Variants in SLC2A1 observed in about 807,000 individuals in gnomAD.
SLC2A1 encodes the protein solute carrier family 2 member 1.
In SLC2A1, 4 loss-of-function variants were observed where a neutral mutation model predicts 46.6. The ratio of observed to expected loss-of-function variants is 0.09; its 90% CI spans 0.04 to 0.20. SLC2A1 has a LOEUF of 0.20. Ranked by LOEUF, SLC2A1 falls within the 10% of genes least tolerant of loss-of-function variation. The probability of loss-of-function intolerance (pLI) is 1.00; values close to 1 mark genes in which losing one functional copy is unlikely to be tolerated. For missense variants in SLC2A1, 352 were observed against 667.0 expected (o/e 0.53, Z 5.20); for synonymous variants, 253 against 270.0 (o/e 0.94, Z 0.62).
At chr1:42,948,962 G>A (rs1643691239) in intron 1 of SLC2A1, among the ~76,000 whole-genome samples, 1 of 152,224 alleles carries the variant, frequency 6.6e-6, no homozygotes. Flanking sequence ...CAGCTACTCG[G>A]GAGGCTGAGG....
intron 2 of SLC2A1, among the ~76,000 whole-genome samples, chr1:42,936,753 A>T (rs1191807584): frequency 6.6e-6 from 1 of 152,070 alleles, no homozygotes; most frequent in Non-Finnish European, 1.5e-5. Context: ...CTCTACCCCA[A>T]CTATGACTCA....
chr1:42,939,350 G>A (rs1222218613), intron 2 of SLC2A1, among the ~76,000 whole-genome samples: 1 of 152,178 alleles, frequency 6.6e-6, no homozygotes, highest in Non-Finnish European at 1.5e-5. Flanking sequence ...CAAGTGTCTG[G>A]GTGCTTGCCC....
chr1:42,946,234 G>A (rs559496426), intron 1 of SLC2A1, among the ~76,000 whole-genome samples: 7 of 152,282 alleles, frequency 4.6e-5, no homozygotes, highest in South Asian at 2.1e-4. Context: ...TCAGCAGGTC[G>A]AGGTCAAACT....
chr1:42,938,820 C>T (rs1219119338), intron 2 of SLC2A1, among the ~76,000 whole-genome samples: 4 of 152,224 alleles, frequency 2.6e-5, no homozygotes, highest in Non-Finnish European at 5.9e-5. Context: ...CCAAGTCCTT[C>T]GTGAAGCCCT....
chr1:42,951,915 T>G, intron 1 of SLC2A1: 2 of 405,796 alleles, frequency 4.9e-6, no homozygotes, highest in Non-Finnish European at 8.7e-6. Context: ...ACAGGTCCAA[T>G]CTTCCATAAA....
chr1:42,942,972 G>C lies in SLC2A1; in HGVS notation c.114+254C>G, dbSNP rs1282902285. 7.1e-6 allele frequency: 4 copies of C among 566,084 alleles called. No homozygotes were observed. In the East Asian group the frequency reaches 1.2e-4, roughly 17 times the overall value. 35.1% of individuals were successfully genotyped at this position (566,084 alleles called of 1,614,324 possible). On this transcript the variant is annotated intron_variant, in intron 2 of 9. Coordinates refer to ENST00000426263, the MANE Select transcript of SLC2A1 (RefSeq NM_006516.4). ...TTATTAAATGACTGAGTTGGGTGGG[G>C]GGTTGGTCAAGAGGGCCTATACAAG...
intron 2 of SLC2A1, among the ~76,000 whole-genome samples, chr1:42,934,760 C>T (rs1040529320): frequency 6.6e-5 from 10 of 152,118 alleles, no homozygotes; most frequent in African/African-American, 2.4e-4. Context: ...AACGCTCCCA[C>T]CTCACATGCC....
intron 1 of SLC2A1, among the ~76,000 whole-genome samples, chr1:42,953,101 A>C (rs1459193983): frequency 6.6e-6 from 1 of 152,180 alleles, no homozygotes; most frequent in Non-Finnish European, 1.5e-5. Context: ...GCAGGGGGAG[A>C]TAAACTGGGC....
In SLC2A1 at chr1:42,929,563, G is replaced by T. The variant is rs755164199; in HGVS notation, c.867+30C>A. 2 of 1,594,666 alleles carry T rather than the reference G, an allele frequency of 1.3e-6. No homozygotes were observed. The highest frequency in any genetic ancestry group is 2.2e-5 in the East Asian group (1 of 44,756). ...ACACTTGACCAGAGGGCTTGGCTGG[G>T]GCACAGGAAGGGTGGGTGGGGGCAC... On this transcript the variant is annotated intron_variant, in intron 6 of 9. Transcript: ENST00000426263. The surrounding 1 kb of genome is among the most constrained non-coding windows in gnomAD (Gnocchi z 6.0).
At position 42,931,138 on chromosome 1, in the gene SLC2A1, G is replaced by T. The variant is rs761128657; in HGVS notation, c.183C>A (p.Leu61=). ...CCACTGAGAGGGACCAGAGCGTGGT[G>T]AGCGTGGTGGGCAGGATGCTCTCCC... ...RYGESILPTT[L]TTLWSLSVAI... The change falls in exon 3 of 10, where the codon CTC becomes CTA. Residue 61 remains leucine (L), a synonymous_variant. Coordinates refer to ENST00000426263, the MANE Select transcript of SLC2A1 (RefSeq NM_006516.4). The T allele has an allele frequency of 6.2e-6, 10 of 1,614,056 alleles. No homozygotes were observed. In the African/African-American group the frequency reaches 1.3e-4, roughly 22 times the overall value.
chr1:42,930,785 A>G lies in SLC2A1; in HGVS notation c.357T>C (p.Phe119=). 1 of 1,602,152 alleles carries G rather than the reference A, an allele frequency of 6.2e-7. No homozygotes were observed. The highest frequency in any genetic ancestry group is 1.3e-5 in the African/African-American group (1 of 75,008). ...TGAAGCGGCCCAGGATCAGCATCTC[A>G]AAGGACTTGCCCAGTTTCGAGAAGC... ...LMGFSKLGKS[F]EMLILGRFII... The change falls in exon 4 of 10, where the codon TTT becomes TTC. Residue 119 remains phenylalanine (F), a synonymous_variant. Transcript: ENST00000426263. This position sits in a 1 kb window ranked among gnomAD's most constrained non-coding sequence, Gnocchi z 6.2.
intron 2 of SLC2A1, among the ~76,000 whole-genome samples, chr1:42,934,771 C>T (rs900698229): frequency 1.3e-5 from 2 of 152,112 alleles, no homozygotes; most frequent in African/African-American, 4.8e-5. Context: ...CTCACATGCC[C>T]GTCCCAAGCT....
At chr1:42,939,175 C>T (rs1273918278) in intron 2 of SLC2A1, among the ~76,000 whole-genome samples, 1 of 152,270 alleles carries the variant, frequency 6.6e-6, no homozygotes, top group Non-Finnish European at 1.5e-5. Context: ...AGTCTCTCTG[C>T]CCTGTTACTA....
rs1269270680 is a variant in SLC2A1, at chr1:42,927,257, A to G, written c.1279-16T>C. ...CACACAGTTGCTGAAAGACACACAG[A>G]CACACTTGGTTGGAGTCATGACCCT... On this transcript the variant is annotated splice_polypyrimidine_tract_variant and intron_variant, in intron 9 of 9. Transcript: ENST00000426263. The surrounding 1 kb of genome is among the most constrained non-coding windows in gnomAD (Gnocchi z 5.3). 3 of 1,612,876 alleles carry G rather than the reference A, an allele frequency of 1.9e-6. No individual in the cohort carries two copies. Among genetic ancestry groups the G allele is most frequent in the Non-Finnish European group, 2.5e-6 (3 of 1,179,206 alleles).
chr1:42,928,983 G>C lies in SLC2A1; in HGVS notation c.1023C>G (p.Leu341=), dbSNP rs143588685. ...GTATGGCACAACCCGCCATGCCAGC[G>C]AGGCCTATGAGGTGCAGGGTCCGCC... ...AGRRTLHLIG[L]AGMAGCAILM... Residue 341 remains leucine, a synonymous_variant, in exon 8 of 10, where the codon CTC becomes CTG. Transcript: ENST00000426263. 19 of 1,613,788 alleles carry C rather than the reference G, an allele frequency of 1.2e-5. No individual in the cohort carries two copies. The African/African-American group carries it at 1.9e-4, about 16-fold the overall frequency.
At chr1:42,949,093 A>T (rs967167469) in intron 1 of SLC2A1, among the ~76,000 whole-genome samples, 6 of 151,148 alleles carry the variant, frequency 4.0e-5, no homozygotes, top group Non-Finnish European at 7.4e-5. Context: ...AAGTACAAAA[A>T]TTAGTGGGGT....
At chr1:42,931,233 A>T (rs1233329869) in intron 2 of SLC2A1, 27 bp from the exon 3 acceptor site, 3 of 1,611,052 alleles carry the variant, frequency 1.9e-6, no homozygotes, top group Non-Finnish European at 2.5e-6. Context: ...AGCCTGGGTG[A>T]GCAAGCCAGG....
Position 42,930,864 on chromosome 1 carries a change from C to T in SLC2A1, c.278G>A (p.Arg93Gln), listed in dbSNP as rs80359815. 1.2e-6 allele frequency: 2 copies of T among 1,600,774 alleles called. No homozygotes were observed. The highest frequency in any genetic ancestry group is 1.7e-5 in the Admixed American group (1 of 60,000). Residue 93 changes from arginine (R) to glutamine (Q), a missense_variant and splice_region_variant, in exon 4 of 10, where the codon CGG (arginine) becomes CAG (glutamine). Around this residue, in one of 5 missense-constraint regions of SLC2A1, gnomAD observed 97 missense variants for 175.6 expected, o/e 0.55. Transcript: ENST00000426263. The surrounding 1 kb of genome is among the most constrained non-coding windows in gnomAD (Gnocchi z 6.2). ...CAGGTTCATCATCAGCATTGAATTC[C>T]GCCTGGGGACGGGGTCACAGGTCAG... The part of the protein sequence containing the change: ...VGLFVNRFGR[R>Q]NSMLMMNLLA...
intron 2 of SLC2A1, among the ~76,000 whole-genome samples, chr1:42,935,298 T>C (rs1158666695): frequency 1.3e-5 from 2 of 152,116 alleles, no homozygotes; most frequent in Admixed American, 1.3e-4. Flanking sequence ...AAGCTATTCC[T>C]CACCCGGTGG....
Sources: allele counts gnomAD v4.1 joint callset (sites outside exome capture counted in the v4.1 genomes callset), GRCh38; gene constraint gnomAD v4.1.1; regional missense constraint gnomAD v4.1.1; non-coding constraint Gnocchi (gnomAD v3.1); transcripts MANE v1.5; gene names NCBI Gene and HGNC (gene_info 2026-07-23, HGNC 2026-07-21).